Variants in SLC15A5 observed in about 807,000 individuals in gnomAD.
The protein encoded by SLC15A5 is solute carrier family 15 member 5.
SLC15A5 carries 58 observed loss-of-function variants against 56.1 expected under a neutral mutation model. The observed-to-expected ratio is 1.03, with a 90% CI of 0.84 to 1.29. The LOEUF is 1.29. Ranked by LOEUF, SLC15A5 falls within the 50% of genes most tolerant of loss-of-function variation. SLC15A5 has a pLI of 0.00. For synonymous variants in SLC15A5, 264 were observed against 250.5 expected (o/e 1.05, Z -0.51); for missense variants, 681 against 672.1 (o/e 1.01, Z -0.15).
At position 16,244,611 on chromosome 12, in the gene SLC15A5, A is replaced by T. The variant is rs1244085031; in HGVS notation, c.944T>A (p.Phe315Tyr). 1 of 1,537,714 alleles carries T rather than the reference A, an allele frequency of 6.5e-7. No homozygotes were observed. The highest frequency in any genetic ancestry group is 2.4e-5 in the East Asian group (1 of 40,924). Residue 315 changes from phenylalanine to tyrosine, a missense_variant, in exon 4 of 9, where the codon TTT becomes TAT. Physicochemically the swap from Phe to Tyr is conservative, Grantham distance 22 (BLOSUM62 3). Transcript: ENST00000344941. ...FFLTLLPLFI[F>Y]QLLYRMCIMQ... The stretch of plus-strand genomic sequence containing the variant: ...AATGCACATTCTGTATAGGAGCTGA[A>T]AAATGAAGAGAGGGAGAAGGGTGAG...
At position 16,277,668 on chromosome 12, in the gene SLC15A5, A is replaced by G. The variant is rs1273855353; in HGVS notation, c.18T>C (p.Phe6=). MSVTG[F]TITDEKVHLY... ...AGTGTACTTTCTCATCAGTTATGGT[A>G]AAGCCTGTAACAGACATGACTACCC... Residue 6 remains phenylalanine (F), a synonymous_variant, in exon 1 of 9, where the codon TTT becomes TTC. Transcript: ENST00000344941. 2.0e-6 allele frequency: 3 copies of G among 1,534,160 alleles called. No individual in the cohort carries two copies. The African/African-American group carries it at 4.1e-5, about 21-fold the overall frequency.
At chr12:16,277,303 C>A in intron 1 of SLC15A5, 22 bp downstream of exon 1, 1 of 1,457,588 alleles carries the variant, frequency 6.9e-7, no homozygotes, top group South Asian at 1.4e-5. Context: ...ACAAAACAAT[C>A]CAGTCAGCAG....
intron 2 of SLC15A5, among the ~76,000 whole-genome samples, chr12:16,265,944 G>A (rs1041425504): frequency 6.6e-6 from 1 of 151,994 alleles, no homozygotes; most frequent in Non-Finnish European, 1.5e-5. Context: ...AAAATAAATG[G>A]AGATTAAATA....
chr12:16,218,618 C>G (rs1864154427), intron 6 of SLC15A5, among the ~76,000 whole-genome samples: 1 of 152,090 alleles, frequency 6.6e-6, no homozygotes, highest in South Asian at 2.1e-4. Context: ...GAGCACAGTG[C>G]TAAGTATTTG....
chr12:16,226,788 T>C (rs1864246230), intron 5 of SLC15A5, among the ~76,000 whole-genome samples: 1 of 152,234 alleles, frequency 6.6e-6, no homozygotes, highest in African/African-American at 2.4e-5. Context: ...TTACCGAGTC[T>C]GTATCTACTC....
At position 16,218,138 on chromosome 12, in the gene SLC15A5, A is replaced by G. The variant is rs181489449; in HGVS notation, c.1352-1114T>C. 4.9e-4 allele frequency among the ~76,000 whole-genome samples: 75 copies of G among 152,298 alleles called. No homozygotes were observed. The East Asian group carries it at 0.012, about 24-fold the overall frequency. Reference sequence around the variant, plus strand: ...TGTGAATGAGAGTAGAAATGAAACAAGTTTTGGCTATGAGTTGAAAATTAT... The same window carrying G: ...TGTGAATGAGAGTAGAAATGAAACAGGTTTTGGCTATGAGTTGAAAATTAT... On this transcript the variant is annotated intron_variant, in intron 6 of 8. Transcript: ENST00000344941.
chr12:16,201,526 C>A (rs530652621), intron 7 of SLC15A5, among the ~76,000 whole-genome samples: 90 of 152,162 alleles, frequency 5.9e-4, no homozygotes, highest in Middle Eastern at 3.4e-3. Flanking sequence ...GAATTGTAAT[C>A]CCCATAATCC....
intron 6 of SLC15A5, among the ~76,000 whole-genome samples, chr12:16,224,093 T>A (rs532605195): frequency 2.0e-4 from 31 of 152,294 alleles, no homozygotes; most frequent in Non-Finnish European, 4.4e-5. Flanking sequence ...CATCTTAGTG[T>A]TCTGGAGTTG....
intron 3 of SLC15A5, among the ~76,000 whole-genome samples, chr12:16,251,697 A>G (rs921882974): frequency 6.6e-6 from 1 of 151,966 alleles, no homozygotes. Context: ...CTAACAAAGA[A>G]AAGCCCAGGA....
rs191962640 is a variant in SLC15A5 at position 16,269,491 on chromosome 12, G to C, written c.584+3070C>G. Among the ~76,000 whole-genome samples, 76 of 152,228 alleles carry C rather than the reference G, an allele frequency of 5.0e-4. No homozygotes were observed. The highest frequency in any genetic ancestry group is 1.5e-3 in the Admixed American group (23 of 15,286). ...TATGCACCTAGGATTGACAATCATT[G>C]TTCTCAATGTTCTTGTGAATATTAA... On this transcript the variant is annotated intron_variant, in intron 2 of 8. Coordinates refer to ENST00000344941, the MANE Select transcript of SLC15A5 (RefSeq NM_001170798.1). The surrounding 1 kb of genome is among the most constrained non-coding windows in gnomAD (Gnocchi z 4.7).
Position 16,268,302 on chromosome 12 carries a change from G to A in SLC15A5, c.584+4259C>T, listed in dbSNP as rs919613247. Among the ~76,000 whole-genome samples the A allele has an allele frequency of 8.3e-5, 4 of 48,252 alleles. 1 individual carries two copies. Among genetic ancestry groups the A allele is most frequent in the Admixed American group, 2.0e-4 (1 of 5,088 alleles). 31.7% of individuals were successfully genotyped at this position (48,252 alleles called of 152,430 possible). ...TGAGGCAGGAGAATTGCTTGAACCC[G>A]GGAGACGGAGGTTGCAGTGAGCTCA... On this transcript the variant is annotated intron_variant, in intron 2 of 8. Coordinates refer to ENST00000344941, the MANE Select transcript of SLC15A5 (RefSeq NM_001170798.1).
In SLC15A5 at chr12:16,216,901, A is replaced by T. The variant is rs1478120827; in HGVS notation, c.1475T>A (p.Ile492Asn). Residue 492 changes from isoleucine (I) to asparagine (N), a missense_variant, in exon 7 of 9, where the codon ATC (isoleucine) becomes AAC (asparagine). Coordinates refer to ENST00000344941, the MANE Select transcript of SLC15A5 (RefSeq NM_001170798.1). ...GALLVKLVYL[I>N]SDGNWFPNTL... ...CACGAACCTATTTTTACCATCTGAG[A>T]TGAGATATACCAACTTCACCAGCAG... 1 of 1,536,120 alleles carries T rather than the reference A, an allele frequency of 6.5e-7. No individual in the cohort carries two copies. The highest frequency in any genetic ancestry group is 1.4e-5 in the African/African-American group (1 of 73,094).
In SLC15A5 at chr12:16,257,890, A is replaced by G; in HGVS notation, c.585-20T>C. 1.4e-6 allele frequency: 2 copies of G among 1,389,570 alleles called. No homozygotes were observed. Among genetic ancestry groups the G allele is most frequent in the Non-Finnish European group, 1.9e-6 (2 of 1,076,874 alleles). The allele number at this position is 1,389,570 out of a possible 1,614,324, so 86.1% of individuals were successfully genotyped here. On this transcript the variant is annotated intron_variant, in intron 2 of 8. Coordinates refer to ENST00000344941, the MANE Select transcript of SLC15A5 (RefSeq NM_001170798.1). ...TAAAACCTGGGGTATACAGACAGAC[A>G]AAAATAAAAATACCATTGAATTGCT...
At chr12:16,205,979 A>G (rs890059617) in intron 7 of SLC15A5, among the ~76,000 whole-genome samples, 18 of 152,162 alleles carry the variant, frequency 1.2e-4, no homozygotes, top group African/African-American at 4.1e-4. Flanking sequence ...ATGTTCTAGC[A>G]AAAGTCCAAA....
chr12:16,233,160 G>A (rs1343390093), intron 5 of SLC15A5, among the ~76,000 whole-genome samples: 1 of 152,104 alleles, frequency 6.6e-6, no homozygotes, highest in African/African-American at 2.4e-5. Context: ...CAACTATCAT[G>A]CACTTTTATT....
chr12:16,261,457 G>A (rs866889898), intron 2 of SLC15A5, among the ~76,000 whole-genome samples: 2 of 152,058 alleles, frequency 1.3e-5, no homozygotes, highest in African/African-American at 4.8e-5. Context: ...TTATGTAAAT[G>A]TACCACTGTT....
chr12:16,212,727 G>C (rs1864095509), intron 7 of SLC15A5, among the ~76,000 whole-genome samples: 1 of 152,104 alleles, frequency 6.6e-6, no homozygotes, highest in Non-Finnish European at 1.5e-5. Context: ...TCAATTACCT[G>C]GAAGAAGTCT....
intron 6 of SLC15A5, among the ~76,000 whole-genome samples, chr12:16,218,780 T>G (rs1208721481): frequency 6.6e-6 from 1 of 152,188 alleles, no homozygotes; most frequent in Non-Finnish European, 1.5e-5. Flanking sequence ...TTAGTTTCCT[T>G]CTCTATGAGA....
chr12:16,219,029 T>G (rs1303441632), intron 6 of SLC15A5, among the ~76,000 whole-genome samples: 1 of 152,186 alleles, frequency 6.6e-6, no homozygotes, highest in Non-Finnish European at 1.5e-5. Context: ...CCCATAAAGA[T>G]TTAAAGGAAT....
Sources: gnomAD v4.1 joint callset for allele counts (sites outside exome capture counted in the v4.1 genomes callset) on GRCh38, gnomAD v4.1.1 for gene constraint, Gnocchi (gnomAD v3.1) non-coding constraint, MANE v1.5 for transcripts, NCBI Gene and HGNC (gene_info 2026-07-23, HGNC 2026-07-21) for gene names.